SLC6A2: variants seen among roughly 807,000 people sequenced by gnomAD.
The protein encoded by SLC6A2 is solute carrier family 6 member 2, also known as sodium-dependent noradrenaline transporter.
In SLC6A2, 26 loss-of-function variants were observed where a neutral mutation model predicts 71.7. That is an observed-to-expected ratio of 0.36 (90% CI 0.27 to 0.50). The LOEUF is 0.50. Among genes scored for constraint, SLC6A2 ranks in the 20% least tolerant of loss-of-function variants. The pLI is 0.96. For missense variants in SLC6A2, 581 were observed against 803.9 expected (o/e 0.72, Z 3.35); for synonymous variants, 363 against 337.9 (o/e 1.07, Z -0.82).
rs1371420935 is a variant in SLC6A2, at chr16:55,705,326, G to A, written c.*2980G>A. 1.6e-6 allele frequency: 2 copies of A among 1,288,528 alleles called. No individual in the cohort carries two copies. Among genetic ancestry groups the A allele is most frequent in the South Asian group, 2.6e-5 (2 of 76,346 alleles). The allele number at this position is 1,288,528 out of a possible 1,614,324, so 79.8% of individuals were successfully genotyped here. ...TCAAAAGGAGTTACCGCTCAGCTGG[G>A]AGCCAGTTCCTGCTATATGATCTGT... On this transcript the variant is annotated 3_prime_UTR_variant, in exon 15 of 15. Coordinates refer to ENST00000568943, the MANE Select transcript of SLC6A2 (RefSeq NM_001172501.3).
Position 55,656,623 on chromosome 16 carries a change from C to CTT in SLC6A2, c.-51-18_-51-17dup. ...GGGAGGAACGGCCGGGTAACCACCT[C>CTT]TTTTCCCTTTATCCAAGCAGAGCCT... On this transcript the variant is annotated intron_variant, in intron 1 of 14. Coordinates refer to ENST00000568943, the MANE Select transcript of SLC6A2 (RefSeq NM_001172501.3). This position sits in a 1 kb window ranked among gnomAD's most constrained non-coding sequence, Gnocchi z 4.5. 1 of 1,597,514 alleles carries CTT rather than the reference C, an allele frequency of 6.3e-7. No homozygotes were observed. The highest frequency in any genetic ancestry group is 1.1e-5 in the South Asian group (1 of 90,300).
chr16:55,702,345 G>A lies in SLC6A2; in HGVS notation c.1853G>A (p.Ter618=), dbSNP rs201308435. Residue 618 remains the stop codon, a stop_retained_variant, in exon 15 of 15, where the codon TGA becomes TAA. Coordinates refer to ENST00000568943, the MANE Select transcript of SLC6A2 (RefSeq NM_001172501.3). ...CAGTTGCAACACTGGCTGGCCATCTGAGCCTGCCTGGAGGAGAAGGAGGAA... is the reference window on the plus strand; with the variant it reads ...CAGTTGCAACACTGGCTGGCCATCTAAGCCTGCCTGGAGGAGAAGGAGGAA... The part of the protein sequence containing the change: ...QFQLQHWLAI[*] The A allele has an allele frequency of 2.4e-4, 381 of 1,614,194 alleles. 2 individuals are homozygous for A. The East Asian group carries it at 7.8e-3, about 33-fold the overall frequency.
intron 6 of SLC6A2, 52 bp from the exon 7 acceptor site, chr16:55,693,958 G>A (rs1965715994): frequency 2.6e-6 from 3 of 1,168,372 alleles, no homozygotes; most frequent in Non-Finnish European, 3.9e-6. Flanking sequence ...CCAGTGAGGT[G>A]TTCCAGTGTT....
At chr16:55,677,692 G>C (rs1158775117) in intron 4 of SLC6A2, among the ~76,000 whole-genome samples, 2 of 112,376 alleles carry the variant, frequency 1.8e-5, no homozygotes, top group African/African-American at 6.8e-5. Flanking sequence ...TTTTAAAAAA[G>C]ACGGGGTCTT....
chr16:55,683,355 T>C (rs575219226), intron 4 of SLC6A2, among the ~76,000 whole-genome samples: 1 of 152,314 alleles, frequency 6.6e-6, no homozygotes, highest in East Asian at 1.9e-4. Context: ...CTCATGCCTG[T>C]AATCCCAGCA....
intron 2 of SLC6A2, among the ~76,000 whole-genome samples, chr16:55,665,001 G>C (rs1161042163): frequency 6.6e-6 from 1 of 152,186 alleles, no homozygotes; most frequent in Non-Finnish European, 1.5e-5. Flanking sequence ...TCCCTCTTTT[G>C]TGGTGTGGGC....
chr16:55,663,679 A>T (rs572104453), intron 2 of SLC6A2, among the ~76,000 whole-genome samples: 43 of 152,116 alleles, frequency 2.8e-4, no homozygotes, highest in African/African-American at 9.9e-4. Flanking sequence ...CTATTGTTCT[A>T]TTGTTCCTGG....
At position 55,656,687 on chromosome 16, in the gene SLC6A2, C is replaced by G; in HGVS notation, c.-8C>G. 1 of 1,611,834 alleles carries G rather than the reference C, an allele frequency of 6.2e-7. No homozygotes were observed. The highest frequency in any genetic ancestry group is 8.5e-7 in the Non-Finnish European group (1 of 1,179,886). On this transcript the variant is annotated 5_prime_UTR_variant, in exon 2 of 15. Transcript: ENST00000568943. This position sits in a 1 kb window ranked among gnomAD's most constrained non-coding sequence, Gnocchi z 4.5. ...GGACCGGTAAAGTTCCTCTCGCCAGCCGCATCCATGCTTCTGGCGCGGATG... is the reference window on the plus strand; with the variant it reads ...GGACCGGTAAAGTTCCTCTCGCCAGGCGCATCCATGCTTCTGGCGCGGATG...
At position 55,704,978 on chromosome 16, in the gene SLC6A2, T is replaced by C. The variant is rs553538308; in HGVS notation, c.*2632T>C. 1.7e-5 allele frequency: 7 copies of C among 415,648 alleles called. No homozygotes were observed. In the East Asian group the frequency reaches 2.7e-4, roughly 16 times the overall value. 25.7% of individuals were successfully genotyped at this position (415,648 alleles called of 1,614,324 possible). A position where few individuals can be genotyped will look rare whatever the true frequency, so the allele number is the denominator to read the frequency against. On this transcript the variant is annotated 3_prime_UTR_variant, in exon 15 of 15. Coordinates refer to ENST00000568943, the MANE Select transcript of SLC6A2 (RefSeq NM_001172501.3). ...CCACCCACATTTAATGGAGAGAGAG[T>C]ATGGGCTTTATGTTAAGTCATCTTT...
intron 8 of SLC6A2, 64 bp from the exon 9 acceptor site, chr16:55,696,161 C>G: frequency 1.0e-6 from 1 of 978,180 alleles, no homozygotes; most frequent in South Asian, 1.3e-5. Context: ...CAGATACTCC[C>G]CTATCATGTG....
chr16:55,702,271 G>A (rs376509614), intron 14 of SLC6A2, 52 bp from the exon 15 acceptor site: 8 of 1,589,382 alleles, frequency 5.0e-6, no homozygotes, highest in Non-Finnish European at 6.0e-6. Flanking sequence ...GCTGGCCCTT[G>A]CTCCTTTCTG....
At chr16:55,664,392 G>A (rs931554067) in intron 2 of SLC6A2, among the ~76,000 whole-genome samples, 1 of 152,228 alleles carries the variant, frequency 6.6e-6, no homozygotes, top group Non-Finnish European at 1.5e-5. Context: ...TTGCACACAA[G>A]AGTAGAGTAG....
chr16:55,664,288 T>C (rs1281060572), intron 2 of SLC6A2, among the ~76,000 whole-genome samples: 1 of 152,216 alleles, frequency 6.6e-6, no homozygotes, highest in Non-Finnish European at 1.5e-5. Context: ...CCATCCTTCA[T>C]GCAGCACTAC....
chr16:55,667,747 C>A (rs1964793800), intron 2 of SLC6A2, among the ~76,000 whole-genome samples: 1 of 152,088 alleles, frequency 6.6e-6, no homozygotes, highest in Non-Finnish European at 1.5e-5. Flanking sequence ...TAGCTGGTCC[C>A]AGATCCCCCA....
At chr16:55,675,520 T>A (rs1201241138) in intron 4 of SLC6A2, among the ~76,000 whole-genome samples, 2 of 152,114 alleles carry the variant, frequency 1.3e-5, no homozygotes, top group African/African-American at 4.8e-5. Flanking sequence ...AGTCCATAGC[T>A]CAGATTTGGC....
At chr16:55,692,606 G>C (rs1213447896) in intron 6 of SLC6A2, among the ~76,000 whole-genome samples, 1 of 152,200 alleles carries the variant, frequency 6.6e-6, no homozygotes, top group African/African-American at 2.4e-5. Context: ...AGCAGTGATG[G>C]TGGGAGCAGA....
At chr16:55,696,374 C>A in intron 9 of SLC6A2, 37 bp downstream of exon 9, 1 of 1,259,734 alleles carries the variant, frequency 7.9e-7, no homozygotes, top group Non-Finnish European at 1.2e-6. Context: ...TCCCCCATCC[C>A]ACTGGGCCTG....
chr16:55,666,875 G>T (rs1964764889), intron 2 of SLC6A2, among the ~76,000 whole-genome samples: 1 of 152,210 alleles, frequency 6.6e-6, no homozygotes, highest in East Asian at 1.9e-4. Flanking sequence ...AACCCACAGT[G>T]GCGAGGTCGG....
At chr16:55,662,803 G>T (rs1964645144) in intron 2 of SLC6A2, among the ~76,000 whole-genome samples, 1 of 152,176 alleles carries the variant, frequency 6.6e-6, no homozygotes, top group South Asian at 2.1e-4. Context: ...AGGGGAGTGG[G>T]TGTGTTCCCT....
Sources: gnomAD v4.1 joint callset for allele counts (sites outside exome capture counted in the v4.1 genomes callset) on GRCh38, gnomAD v4.1.1 for gene constraint, Gnocchi (gnomAD v3.1) non-coding constraint, MANE v1.5 for transcripts, NCBI Gene and HGNC (gene_info 2026-07-23, HGNC 2026-07-21) for gene names.